FGD5: variants seen among roughly 807,000 people sequenced by gnomAD.
FGD5 encodes the protein FYVE, RhoGEF and PH domain containing 5.
FGD5 carries 28 observed loss-of-function variants against 133.4 expected under a neutral mutation model. That is an observed-to-expected ratio of 0.21 (90% CI 0.16 to 0.29). The LOEUF (loss-of-function observed/expected upper bound fraction) is 0.29. Among genes scored for constraint, FGD5 ranks in the 10% least tolerant of loss-of-function variants. The probability of loss-of-function intolerance (pLI) is 1.00; values close to 1 mark genes in which losing one functional copy is unlikely to be tolerated. For missense variants in FGD5, 1,858 were observed against 1,895.2 expected, an observed-to-expected ratio of 0.98 and a Z score of 0.36; for synonymous variants, 810 against 776.5, an observed-to-expected ratio of 1.04 and a Z score of -0.72.
rs187651344 is a variant in FGD5, at chr3:14,900,777, C to T, written c.3206-226C>T. On this transcript the variant is annotated intron_variant, in intron 8 of 19. Coordinates refer to ENST00000285046, the MANE Select transcript of FGD5 (RefSeq NM_152536.4). ...ACAGTCTCCCTGTTTCCTCCCAATTCGATGTGGCTGTCCCTGTGTATCACC... is the reference window on the plus strand; with the variant it reads ...ACAGTCTCCCTGTTTCCTCCCAATTTGATGTGGCTGTCCCTGTGTATCACC... 5.9e-5 allele frequency among the ~76,000 whole-genome samples: 9 copies of T among 152,272 alleles called. 1 individual carries two copies. The East Asian group carries it at 1.5e-3, about 26-fold the overall frequency.
chr3:14,845,727 G>C (rs1206163983), intron 1 of FGD5, among the ~76,000 whole-genome samples: 1 of 152,164 alleles, frequency 6.6e-6, no homozygotes, highest in Non-Finnish European at 1.5e-5. Context: ...CCCCCCACAG[G>C]TCTAGAGCAG....
In FGD5 at chr3:14,879,565, G is replaced by A. The variant is rs138835594; in HGVS notation, c.2659-1007G>A. ...TGCTTCCCAAGGGGAATGAATGTGC[G>A]CTCGCTCACTCACTCACTCCTCACT... is the stretch of plus-strand genomic sequence containing the variant. On this transcript the variant is annotated intron_variant, in intron 2 of 19. Coordinates refer to ENST00000285046, the MANE Select transcript of FGD5 (RefSeq NM_152536.4). 2.8e-3 allele frequency among the ~76,000 whole-genome samples: 419 copies of A among 152,318 alleles called. 4 individuals carry two copies. Among genetic ancestry groups the A allele is most frequent in the Non-Finnish European group, 4.3e-3 (293 of 68,022 alleles).
rs376448147 is a variant in FGD5, at chr3:14,900,432, G to A, written c.3184G>A (p.Ala1062Thr). Residue 1062 changes from alanine (A) to threonine (T), a missense_variant, in exon 8 of 20, where the codon GCC becomes ACC. Coordinates refer to ENST00000285046, the MANE Select transcript of FGD5 (RefSeq NM_152536.4). Reference sequence around the variant, plus strand: ...TTTAAACAACCTTTGTCCGGACTCCGCCGAGTACGACAACACACAGGGTGA... The same window carrying A: ...TTTAAACAACCTTTGTCCGGACTCCACCGAGTACGACAACACACAGGGTGA... ...DYLNNLCPDS[A>T]EYDNTQGALS... 22 of 1,613,292 alleles carry A rather than the reference G, an allele frequency of 1.4e-5. No homozygotes were observed. The highest frequency in any genetic ancestry group is 1.2e-4 in the Admixed American group (7 of 59,926).
In FGD5 at chr3:14,819,504, G is replaced by C. The variant is rs1197166129; in HGVS notation, c.433G>C (p.Asp145His). 1.9e-6 allele frequency: 3 copies of C among 1,551,362 alleles called. No individual in the cohort carries two copies. In the African/African-American group the frequency reaches 4.1e-5, roughly 21 times the overall value. ...GGAAGGCACAGACCTTGCTCTTGAG[G>C]ATGAAGGGGAGGGCTGCGCTGATGA... ...GEEGTDLALE[D>H]EGEGCADEPG... Residue 145 changes from aspartate (D) to histidine (H), a missense_variant, in exon 1 of 20, where the codon GAT (aspartate) becomes CAT (histidine). By Grantham distance (81) the Asp-to-His change is moderately conservative. Transcript: ENST00000285046. This position sits in a 1 kb window ranked among gnomAD's most constrained non-coding sequence, Gnocchi z 4.1.
chr3:14,836,227 A>G (rs1244701552), intron 1 of FGD5, among the ~76,000 whole-genome samples: 1 of 152,236 alleles, frequency 6.6e-6, no homozygotes, highest in Non-Finnish European at 1.5e-5. Flanking sequence ...GGGTGATGTC[A>G]TATGGCGAGA....
In FGD5 at chr3:14,923,173, G is replaced by A. The variant is rs752018393; in HGVS notation, c.3935G>A (p.Arg1312Lys). 6.2e-7 allele frequency: 1 copy of A among 1,612,512 alleles called. No individual in the cohort carries two copies. The highest frequency in any genetic ancestry group is 1.7e-5 in the Admixed American group (1 of 59,890). Reference sequence around the variant, plus strand: ...GGCAGGGCTGTCCCGGGCCTGATGAGAGGTAACCTGGGGACCACTTGCCTT... The same window carrying A: ...GGCAGGGCTGTCCCGGGCCTGATGAAAGGTAACCTGGGGACCACTTGCCTT... ...KRGRAVPGLM[R>K]ERPVSMSFPL... Residue 1312 changes from arginine (R) to lysine (K), a missense_variant and splice_region_variant, in exon 16 of 20, where the codon AGA (arginine) becomes AAA (lysine). By Grantham distance (26) the Arg-to-Lys change is conservative. Around this residue, in one of 3 missense-constraint regions of FGD5, gnomAD observed 1,824 missense variants for 1,848.9 expected, o/e 0.99. Transcript: ENST00000285046.
intron 1 of FGD5, among the ~76,000 whole-genome samples, chr3:14,811,109 G>C (rs2036286493): frequency 6.6e-6 from 1 of 152,070 alleles, no homozygotes; most frequent in South Asian, 2.1e-4. Context: ...GCGAGGCCGC[G>C]CCCTGGCCGT....
chr3:14,826,525 C>G (rs1430524697), intron 1 of FGD5, among the ~76,000 whole-genome samples: 1 of 152,228 alleles, frequency 6.6e-6, no homozygotes, highest in Non-Finnish European at 1.5e-5. Context: ...TCTGACCTCT[C>G]TGTACCTCAG....
intron 9 of FGD5, among the ~76,000 whole-genome samples, chr3:14,903,964 G>A (rs1000948904): frequency 3.3e-5 from 5 of 152,160 alleles, no homozygotes; most frequent in African/African-American, 1.2e-4. Flanking sequence ...TATATGGCAG[G>A]ACGCCCTTCT....
At chr3:14,929,681 T>A (rs2038870266) in intron 18 of FGD5, among the ~76,000 whole-genome samples, 1 of 152,252 alleles carries the variant, frequency 6.6e-6, no homozygotes, top group Non-Finnish European at 1.5e-5. Flanking sequence ...TCAGATCTCT[T>A]GTCCACTTTT....
rs1240457866 is a variant in FGD5, at chr3:14,922,586, G to A, written c.3807+38G>A. 3.2e-6 allele frequency: 5 copies of A among 1,549,518 alleles called. No individual in the cohort carries two copies. The highest frequency in any genetic ancestry group is 4.4e-6 in the Non-Finnish European group (5 of 1,149,180). ...ATCTGGGGTGAGTGTGTGCATGGGG[G>A]TGGGGTGGGGGAAGGGCATGTCCCT... is the stretch of plus-strand genomic sequence containing the variant. On this transcript the variant is annotated intron_variant, in intron 15 of 19. Coordinates refer to ENST00000285046, the MANE Select transcript of FGD5 (RefSeq NM_152536.4). The surrounding 1 kb of genome is among the most constrained non-coding windows in gnomAD (Gnocchi z 4.1).
intron 7 of FGD5, among the ~76,000 whole-genome samples, chr3:14,899,757 AG>A (rs1354842867): frequency 1.3e-5 from 2 of 152,234 alleles, no homozygotes; most frequent in African/African-American, 2.4e-5. Flanking sequence ...AGAACTCTTA[AG>A]AAAAATAAAG....
At chr3:14,874,695 C>G (rs1446965527) in intron 2 of FGD5, among the ~76,000 whole-genome samples, 1 of 152,234 alleles carries the variant, frequency 6.6e-6, no homozygotes, top group Non-Finnish European at 1.5e-5. Context: ...GAGTAGAAAT[C>G]AGGCCTCCTG....
At chr3:14,860,837 A>G (rs2037383684) in intron 1 of FGD5, among the ~76,000 whole-genome samples, 1 of 151,706 alleles carries the variant, frequency 6.6e-6, no homozygotes, top group Non-Finnish European at 1.5e-5. Context: ...AATTAGCTGA[A>G]CATGGTGGTG....
chr3:14,903,868 G>A (rs1016345441), intron 9 of FGD5, among the ~76,000 whole-genome samples: 1 of 152,132 alleles, frequency 6.6e-6, no homozygotes, highest in East Asian at 1.9e-4. Flanking sequence ...TAGTGGTCCT[G>A]TTTCCTTAGG....
chr3:14,900,857 C>A, intron 8 of FGD5, 146 bp from the exon 9 acceptor site: 1 of 817,574 alleles, frequency 1.2e-6, no homozygotes. Flanking sequence ...GAAACTGAGG[C>A]ATGCATGACA....
At chr3:14,890,398 C>T (rs2038004043) in intron 4 of FGD5, among the ~76,000 whole-genome samples, 1 of 152,220 alleles carries the variant, frequency 6.6e-6, no homozygotes, top group Non-Finnish European at 1.5e-5. Flanking sequence ...TCTCTCCATG[C>T]TCCCACTGTT....
intron 9 of FGD5, among the ~76,000 whole-genome samples, chr3:14,902,153 A>T (rs756978524): frequency 6.6e-6 from 1 of 151,988 alleles, no homozygotes; most frequent in Non-Finnish European, 1.5e-5. Context: ...GTGGTGGCAC[A>T]CACCTTTAGT....
chr3:14,916,432 C>T (rs570567256), intron 11 of FGD5, among the ~76,000 whole-genome samples: 3 of 152,306 alleles, frequency 2.0e-5, no homozygotes, highest in Non-Finnish European at 4.4e-5. Context: ...TTTAGTTGTT[C>T]ATTCAACAAA....
Sources: gnomAD v4.1 joint callset for allele counts (sites outside exome capture counted in the v4.1 genomes callset) on GRCh38, gnomAD v4.1.1 for gene constraint, gnomAD v4.1.1 regional missense constraint, Gnocchi (gnomAD v3.1) non-coding constraint, MANE v1.5 for transcripts, NCBI Gene and HGNC (gene_info 2026-07-23, HGNC 2026-07-21) for gene names.